Variants in NRG3 observed in about 807,000 individuals in gnomAD.
NRG3 encodes the protein pro-neuregulin-3, membrane-bound isoform.
In NRG3, 31 loss-of-function variants were observed where a neutral mutation model predicts 66.9. The observed-to-expected ratio is 0.46, with a 90% CI of 0.35 to 0.63. NRG3 has a LOEUF of 0.63. Ranked by LOEUF, NRG3 falls within the 20% of genes least tolerant of loss-of-function variation. NRG3 has a pLI of 0.00. For missense variants in NRG3, 910 were observed against 878.9 expected, an observed-to-expected ratio of 1.04 and a Z score of -0.45; for synonymous variants, 393 against 359.4, an observed-to-expected ratio of 1.09 and a Z score of -1.06.
intron 1 of NRG3, among the ~76,000 whole-genome samples, chr10:82,142,414 G>C (rs1388063316): frequency 6.6e-6 from 1 of 152,090 alleles, no homozygotes; most frequent in Admixed American, 6.6e-5. Flanking sequence ...AGGGATCCTG[G>C]GGTCAAAATG....
chr10:82,815,074 G>A (rs1281103122), intron 3 of NRG3, among the ~76,000 whole-genome samples: 4 of 152,154 alleles, frequency 2.6e-5, no homozygotes, highest in Non-Finnish European at 5.9e-5. Flanking sequence ...GGTCATCGCC[G>A]TCCTCCTGGT....
At chr10:82,141,027 A>G (rs2069739684) in intron 1 of NRG3, among the ~76,000 whole-genome samples, 1 of 152,156 alleles carries the variant, frequency 6.6e-6, no homozygotes, top group Non-Finnish European at 1.5e-5. Flanking sequence ...GTGTATATAC[A>G]TGTATAGGTA....
chr10:82,109,917 A>G (rs1054074149), intron 1 of NRG3, among the ~76,000 whole-genome samples: 1 of 152,154 alleles, frequency 6.6e-6, no homozygotes, highest in Non-Finnish European at 1.5e-5. Flanking sequence ...GTCTGATACT[A>G]GAATAAGTGC....
chr10:82,170,654 G>GTGTGTATATATA (rs1554839695), intron 1 of NRG3, among the ~76,000 whole-genome samples: 2 of 74,220 alleles, frequency 2.7e-5, no homozygotes, highest in African/African-American at 7.9e-5. Flanking sequence ...AAAACTTGTG[G>GTGTGTATATATA]TATATATATA....
At chr10:81,942,189 A>G (rs912026840) in intron 1 of NRG3, among the ~76,000 whole-genome samples, 4 of 152,146 alleles carry the variant, frequency 2.6e-5, no homozygotes, top group Non-Finnish European at 4.4e-5. Flanking sequence ...CCAGAATTCA[A>G]ATTTCTAGGG....
intron 4 of NRG3, among the ~76,000 whole-genome samples, chr10:82,899,070 G>T (rs1168422054): frequency 6.6e-6 from 1 of 151,898 alleles, no homozygotes; most frequent in Non-Finnish European, 1.5e-5. Context: ...AAATTGTTTT[G>T]GTCTTTAACG....
In NRG3 at chr10:82,115,899, A is replaced by G. The variant is rs2132298131; in HGVS notation, c.823+239736A>G. ...CTCATACAGAGCATCCAACTCTCCT[A>G]CATGGATGGAGACTCACATGATCCT... On this transcript the variant is annotated intron_variant, in intron 1 of 8. Coordinates refer to ENST00000372141, the MANE Select transcript of NRG3 (RefSeq NM_001010848.4). Among the ~76,000 whole-genome samples, 3 of 152,234 alleles carry G rather than the reference A, an allele frequency of 2.0e-5. No individual in the cohort carries two copies. In the South Asian group the frequency reaches 6.2e-4, roughly 32 times the overall value.
chr10:82,908,569 G>A (rs1454878113), intron 4 of NRG3, among the ~76,000 whole-genome samples: 1 of 152,096 alleles, frequency 6.6e-6, no homozygotes, highest in Non-Finnish European at 1.5e-5. Flanking sequence ...AAATAAAACG[G>A]CAATCAGTAT....
At chr10:81,900,939 A>G (rs1844008167) in intron 1 of NRG3, among the ~76,000 whole-genome samples, 1 of 152,188 alleles carries the variant, frequency 6.6e-6, no homozygotes, top group Non-Finnish European at 1.5e-5. Flanking sequence ...AAAAGTTTTT[A>G]TTTTTCATAA....
chr10:82,504,028 T>A (rs1307992570), intron 2 of NRG3, among the ~76,000 whole-genome samples: 3 of 152,230 alleles, frequency 2.0e-5, no homozygotes, highest in African/African-American at 7.2e-5. Flanking sequence ...ACTGAAATAC[T>A]GCCTGTAGAA....
At chr10:82,806,837 G>C in intron 3 of NRG3, among the ~76,000 whole-genome samples, 1 of 152,148 alleles carries the variant, frequency 6.6e-6, no homozygotes, top group East Asian at 1.9e-4. Flanking sequence ...TTGTCTGATA[G>C]AGCCTGTTGT....
At chr10:82,019,277 G>C (rs879051543) in intron 1 of NRG3, among the ~76,000 whole-genome samples, 3 of 152,124 alleles carry the variant, frequency 2.0e-5, no homozygotes, top group Admixed American at 2.0e-4. Flanking sequence ...TGCATCCCAG[G>C]GATGAAGCCC....
chr10:82,920,360 G>T (rs1477027515), intron 4 of NRG3, among the ~76,000 whole-genome samples: 1 of 152,070 alleles, frequency 6.6e-6, no homozygotes, highest in Non-Finnish European at 1.5e-5. Flanking sequence ...AGTAAGGGGA[G>T]GAGACTAGAA....
chr10:82,405,656 C>T (rs1193750843), intron 2 of NRG3, among the ~76,000 whole-genome samples: 6 of 151,914 alleles, frequency 3.9e-5, no homozygotes, highest in African/African-American at 4.8e-5. Context: ...TTAGTAGAAA[C>T]GGAATTTTGC....
chr10:82,727,277 G>A (rs900617009), intron 2 of NRG3, among the ~76,000 whole-genome samples: 4 of 152,172 alleles, frequency 2.6e-5, no homozygotes, highest in African/African-American at 9.7e-5. Context: ...TCCAAGGTAT[G>A]TCGGAGATCT....
At chr10:82,358,685 G>A (rs752071206) in intron 1 of NRG3, 54 bp from the exon 2 acceptor site, 8 of 1,609,572 alleles carry the variant, frequency 5.0e-6, no homozygotes, top group Non-Finnish European at 6.8e-6. Context: ...GACAGGAGTT[G>A]TTGGTGTCAG....
chr10:82,328,114 G>C (rs1303147449), intron 1 of NRG3, among the ~76,000 whole-genome samples: 2 of 152,156 alleles, frequency 1.3e-5, no homozygotes, highest in East Asian at 3.9e-4. Flanking sequence ...ATAGTATGAG[G>C]AATAGGTGTT....
intron 1 of NRG3, among the ~76,000 whole-genome samples, chr10:81,913,307 A>C (rs1845351721): frequency 6.6e-6 from 1 of 152,158 alleles, no homozygotes; most frequent in African/African-American, 2.4e-5. Flanking sequence ...TGCTCCATTG[A>C]CCAGCGTCCT....
intron 1 of NRG3, among the ~76,000 whole-genome samples, chr10:82,035,050 G>A (rs1024213329): frequency 6.6e-6 from 1 of 152,064 alleles, no homozygotes; most frequent in Admixed American, 6.6e-5. Flanking sequence ...AATAGAGTTG[G>A]CGCATATATA....
Sources: allele counts gnomAD v4.1 joint callset (sites outside exome capture counted in the v4.1 genomes callset), GRCh38; gene constraint gnomAD v4.1.1; transcripts MANE v1.5; gene names NCBI Gene and HGNC (gene_info 2026-07-23, HGNC 2026-07-21).